Variants in NRG3 observed in about 807,000 individuals in gnomAD.
NRG3 encodes the protein neuregulin 3.
In NRG3, 31 loss-of-function variants were observed where a neutral mutation model predicts 66.9. The ratio of observed to expected loss-of-function variants is 0.46; its 90% CI spans 0.35 to 0.63. NRG3 has a LOEUF of 0.63. Ranked by LOEUF, NRG3 falls within the 20% of genes least tolerant of loss-of-function variation. The probability of loss-of-function intolerance (pLI) is 0.00; values close to 1 mark genes in which losing one functional copy is unlikely to be tolerated. For synonymous variants in NRG3, 393 were observed against 359.4 expected, an observed-to-expected ratio of 1.09 and a Z score of -1.06; for missense variants, 910 against 878.9, an observed-to-expected ratio of 1.04 and a Z score of -0.45.
chr10:81,961,841 C>A (rs1315572715), intron 1 of NRG3, among the ~76,000 whole-genome samples: 2 of 152,226 alleles, frequency 1.3e-5, no homozygotes, highest in African/African-American at 4.8e-5. Flanking sequence ...CCACAAGAAG[C>A]ACTGTCAACT....
intron 3 of NRG3, among the ~76,000 whole-genome samples, chr10:82,845,154 C>T (rs1022424148): frequency 2.0e-5 from 3 of 152,206 alleles, no homozygotes; most frequent in South Asian, 4.1e-4. Context: ...GACTGCATCT[C>T]AAAAACAAAT....
At chr10:81,983,592 A>G (rs1284051629) in intron 1 of NRG3, among the ~76,000 whole-genome samples, 2 of 152,178 alleles carry the variant, frequency 1.3e-5, no homozygotes, top group African/African-American at 2.4e-5. Context: ...AGTAATTACT[A>G]CCTACTGTGT....
chr10:82,281,801 C>A (rs910689227), intron 1 of NRG3, among the ~76,000 whole-genome samples: 29 of 152,036 alleles, frequency 1.9e-4, no homozygotes, highest in African/African-American at 7.0e-4. Flanking sequence ...TTTGTATTTC[C>A]CTTGCCCCAT....
intron 3 of NRG3, among the ~76,000 whole-genome samples, chr10:82,742,784 G>C (rs1461481451): frequency 6.6e-6 from 1 of 152,070 alleles, no homozygotes; most frequent in Non-Finnish European, 1.5e-5. Flanking sequence ...TCCTGCCCTG[G>C]TTTTCCTTCC....
At chr10:82,417,476 G>A (rs910678749) in intron 2 of NRG3, among the ~76,000 whole-genome samples, 2 of 152,328 alleles carry the variant, frequency 1.3e-5, no homozygotes, top group East Asian at 3.9e-4. Flanking sequence ...GGTAGGGACT[G>A]TAGGGCACAG....
chr10:82,582,661 GTT>G (rs1491222866), intron 2 of NRG3, among the ~76,000 whole-genome samples: 6 of 122,668 alleles, frequency 4.9e-5, no homozygotes, highest in African/African-American at 1.3e-4. Flanking sequence ...ATCTATATGT[GTT>G]GTGTGTGTGT....
At chr10:82,032,368 C>T (rs571184113) in intron 1 of NRG3, among the ~76,000 whole-genome samples, 38 of 147,888 alleles carry the variant, frequency 2.6e-4, no homozygotes, top group Non-Finnish European at 1.2e-4. Context: ...TTTTTTCCCT[C>T]TCAGGCCTCT....
chr10:82,768,819 TCA>T (rs1377829596), intron 3 of NRG3, among the ~76,000 whole-genome samples: 1 of 152,150 alleles, frequency 6.6e-6, no homozygotes, highest in Admixed American at 6.5e-5. Flanking sequence ...AAAATCCATG[TCA>T]CAGTCTAGGA....
intron 1 of NRG3, among the ~76,000 whole-genome samples, chr10:82,219,798 T>C (rs975694332): frequency 1.3e-5 from 2 of 152,114 alleles, no homozygotes; most frequent in African/African-American, 4.8e-5. Context: ...AAAATGACTT[T>C]CCTTTTAATA....
At chr10:82,273,264 T>G (rs1162252001) in intron 1 of NRG3, among the ~76,000 whole-genome samples, 7 of 152,052 alleles carry the variant, frequency 4.6e-5, no homozygotes, top group Admixed American at 2.0e-4. Context: ...ATTGGCTGCT[T>G]AGTCACATTG....
chr10:82,199,889 C>CGT (rs71007301), intron 1 of NRG3, among the ~76,000 whole-genome samples: 13,017 of 142,678 alleles, frequency 0.091, 646 homozygotes, highest in African/African-American at 0.15. Context: ...TGTGTGTGTG[C>CGT]GTGTGTGTGT....
intron 1 of NRG3, among the ~76,000 whole-genome samples, chr10:82,165,741 T>C (rs553246589): frequency 6.6e-6 from 1 of 152,014 alleles, no homozygotes; most frequent in Non-Finnish European, 1.5e-5. Context: ...CAGGAGACTT[T>C]AGTATTTTAT....
intron 2 of NRG3, among the ~76,000 whole-genome samples, chr10:82,456,348 G>C (rs7073106): frequency 0.17 from 25,503 of 151,664 alleles, 2,376 homozygotes; most frequent in East Asian, 0.3. Flanking sequence ...TTATTATTTG[G>C]TAGAGAAAGG....
intron 2 of NRG3, among the ~76,000 whole-genome samples, chr10:82,417,393 G>T (rs938065610): frequency 2.0e-5 from 3 of 152,176 alleles, no homozygotes; most frequent in Non-Finnish European, 4.4e-5. Context: ...AATTATGTAT[G>T]AAGAAGGAGC....
intron 2 of NRG3, among the ~76,000 whole-genome samples, chr10:82,429,744 T>A (rs2089674701): frequency 6.6e-6 from 1 of 152,176 alleles, no homozygotes; most frequent in South Asian, 2.1e-4. Flanking sequence ...TGGCCTCTCA[T>A]CCATCATGCA....
At chr10:82,362,571 G>GTTTTTTTTTTTTTT (rs1554896368) in intron 2 of NRG3, among the ~76,000 whole-genome samples, 1 of 47,044 alleles carries the variant, frequency 2.1e-5, no homozygotes, top group Non-Finnish European at 4.3e-5. Flanking sequence ...TTTTTTTTTC[G>GTTTTTTTTTTTTTT]TAGAAATGGG....
intron 2 of NRG3, among the ~76,000 whole-genome samples, chr10:82,382,596 C>A (rs2085691277): frequency 6.6e-6 from 1 of 151,842 alleles, no homozygotes; most frequent in South Asian, 2.1e-4. Context: ...GTTTCATAGA[C>A]TTTTGTTAAT....
chr10:82,144,190 C>T (rs538895470), intron 1 of NRG3, among the ~76,000 whole-genome samples: 2 of 152,150 alleles, frequency 1.3e-5, no homozygotes, highest in Admixed American at 6.6e-5. Flanking sequence ...TGCTCTTATT[C>T]ACGTGAGGCT....
At chr10:82,515,221 A>C (rs570787016) in intron 2 of NRG3, among the ~76,000 whole-genome samples, 2 of 152,238 alleles carry the variant, frequency 1.3e-5, no homozygotes, top group African/African-American at 4.8e-5. Context: ...AATGTAACAG[A>C]ACAAAACAAA....
Sources: allele counts gnomAD v4.1 joint callset (sites outside exome capture counted in the v4.1 genomes callset), GRCh38; gene constraint gnomAD v4.1.1; transcripts MANE v1.5; gene names NCBI Gene and HGNC (gene_info 2026-07-23, HGNC 2026-07-21).